Variants in TG observed in about 807,000 individuals in gnomAD.
TG encodes thyroid hormones.
Under a neutral mutation model 324.7 loss-of-function variants are expected in TG, and 270 were observed. The observed-to-expected ratio is 0.83, with a 90% CI of 0.75 to 0.92. TG has a LOEUF of 0.92. TG is among the 40% of genes least tolerant of loss of function. TG has a pLI of 0.00. For synonymous variants in TG, 1,401 were observed against 1,327.0 expected (o/e 1.06, Z -1.21); for missense variants, 3,591 against 3,456.4 (o/e 1.04, Z -0.98).
intron 44 of TG, among the ~76,000 whole-genome samples, 166 bp from the exon 45 acceptor site, chr8:133,116,443 G>A (rs1270423843): frequency 6.6e-6 from 1 of 152,234 alleles, no homozygotes; most frequent in Non-Finnish European, 1.5e-5. Context: ...TGGCAGTGGA[G>A]GCACTTGGAG....
intron 41 of TG, among the ~76,000 whole-genome samples, chr8:133,031,848 T>G (rs1836670122): frequency 6.6e-6 from 1 of 152,152 alleles, no homozygotes; most frequent in Non-Finnish European, 1.5e-5. Context: ...CCCATCCCCC[T>G]CTTTGCCTGC....
chr8:133,062,420 C>G (rs1008992169), intron 41 of TG, among the ~76,000 whole-genome samples: 2 of 152,240 alleles, frequency 1.3e-5, no homozygotes, highest in African/African-American at 4.8e-5. Flanking sequence ...CAGCAGGTGG[C>G]GTGACTCCAA....
rs114356482 is a variant in TG, at chr8:132,893,787, G to C, written c.2859G>C (p.Leu953=). ...VSASNSSRFP[L]GESFLVAKGI... ...CTTCCAACAGTTCTCGGTTCCCTCTGGGGGAGAGTTTCCTGGTGGCCAAGG... is the reference window on the plus strand; with the variant it reads ...CTTCCAACAGTTCTCGGTTCCCTCTCGGGGAGAGTTTCCTGGTGGCCAAGG... The change falls in exon 11 of 48, where the codon CTG becomes CTC. Residue 953 remains leucine, a synonymous_variant. Transcript: ENST00000220616. 1.2e-6 allele frequency: 2 copies of C among 1,613,872 alleles called. No individual in the cohort carries two copies. The highest frequency in any genetic ancestry group is 1.7e-5 in the Admixed American group (1 of 59,992).
intron 32 of TG, among the ~76,000 whole-genome samples, 170 bp downstream of exon 32, chr8:132,969,739 C>T (rs1392592316): frequency 3.3e-5 from 5 of 151,742 alleles, no homozygotes; most frequent in East Asian, 1.9e-4. Context: ...GGTGAAGCCC[C>T]GTCTCTACTA....
At chr8:132,982,466 G>A (rs900577744) in intron 34 of TG, among the ~76,000 whole-genome samples, 4 of 152,176 alleles carry the variant, frequency 2.6e-5, no homozygotes, top group Non-Finnish European at 5.9e-5. Context: ...GGGTATGAAT[G>A]GTTCTTCATT....
intron 26 of TG, among the ~76,000 whole-genome samples, chr8:132,948,406 G>A (rs1825652853): frequency 6.6e-6 from 1 of 152,110 alleles, no homozygotes; most frequent in South Asian, 2.1e-4. Context: ...TGAAGCAGCA[G>A]CAGCTCAGGA....
rs897123131 is a variant in TG, at chr8:133,133,656, T to C, written c.8184T>C (p.Ser2728=). ...WSKYISSLKT[S]ADGAKGGQSA... is the part of the protein sequence containing the mutation. ...AGTACATCTCGTCTCTGAAGACATC[T>C]GCAGGTAGCAAAGCCCTGGGACAAG... The change falls in exon 47 of 48, where the codon TCT becomes TCC. Residue 2728 remains serine, a synonymous_variant. Coordinates refer to ENST00000220616, the MANE Select transcript of TG (RefSeq NM_003235.5). 6.2e-7 allele frequency: 1 copy of C among 1,613,568 alleles called. No individual in the cohort carries two copies. The highest frequency in any genetic ancestry group is 8.5e-7 in the Non-Finnish European group (1 of 1,179,800).
At chr8:133,128,048 A>C (rs897431935) in intron 45 of TG, among the ~76,000 whole-genome samples, 6 of 151,896 alleles carry the variant, frequency 4.0e-5, no homozygotes, top group African/African-American at 1.5e-4. Flanking sequence ...CTCTCTTCTT[A>C]TGGTAGTTGG....
intron 34 of TG, among the ~76,000 whole-genome samples, chr8:132,973,353 A>G (rs932705529): frequency 4.6e-5 from 7 of 152,148 alleles, no homozygotes; most frequent in Non-Finnish European, 8.8e-5. Flanking sequence ...CAATGCATAT[A>G]GAGTTAGGAC....
Position 132,901,413 on chromosome 8 carries a change from A to C in TG, c.3494A>C (p.Tyr1165Ser). 6.2e-7 allele frequency: 1 copy of C among 1,614,220 alleles called. No homozygotes were observed. Among genetic ancestry groups the C allele is most frequent in the Non-Finnish European group, 8.5e-7 (1 of 1,180,042 alleles). The change falls in exon 16 of 48, where the codon TAT (tyrosine) becomes TCT (serine). Residue 1165 changes from tyrosine (Y) to serine (S), a missense_variant. Coordinates refer to ENST00000220616, the MANE Select transcript of TG (RefSeq NM_003235.5). ...CTCTCCAGGAGAGTCAGCCCAGGCT[A>C]TGTCCCAGCCTGCAGGGCAGAGGAT... is the stretch of plus-strand genomic sequence containing the variant. ...GVLSRRVSPGYVPACRAEDGG... is the reference protein window; with the variant it reads ...GVLSRRVSPGSVPACRAEDGG...
At chr8:133,011,336 A>T (rs1159889720) in intron 35 of TG, among the ~76,000 whole-genome samples, 1 of 151,988 alleles carries the variant, frequency 6.6e-6, no homozygotes, top group Non-Finnish European at 1.5e-5. Flanking sequence ...CTAGAGAGAG[A>T]CTCAGTTGGG....
rs565413296 is a variant in TG, at chr8:133,056,648, G to A, written c.7239+26625G>A. Among the ~76,000 whole-genome samples, 8 of 152,328 alleles carry A rather than the reference G, an allele frequency of 5.3e-5. No individual in the cohort carries two copies. In the South Asian group the frequency reaches 6.2e-4, roughly 12 times the overall value. ...ACCTCAGATTCTCCAACTGCAAAAC[G>A]GAGATGATAATAGGCAGAAGCCTCG... On this transcript the variant is annotated intron_variant, in intron 41 of 47. Transcript: ENST00000220616.
At chr8:132,925,813 T>G (rs1821790094) in intron 22 of TG, among the ~76,000 whole-genome samples, 1 of 152,170 alleles carries the variant, frequency 6.6e-6, no homozygotes, top group South Asian at 2.1e-4. Flanking sequence ...CCTTGAGGAT[T>G]GTCTTATGCA....
At chr8:133,105,264 G>T (rs1319760692) in intron 43 of TG, among the ~76,000 whole-genome samples, 1 of 152,130 alleles carries the variant, frequency 6.6e-6, no homozygotes, top group African/African-American at 2.4e-5. Flanking sequence ...CCTCCCCTAA[G>T]CCCCTGCCAA....
chr8:132,935,482 C>G (rs766598983), intron 24 of TG, among the ~76,000 whole-genome samples: 1 of 152,126 alleles, frequency 6.6e-6, no homozygotes, highest in Non-Finnish European at 1.5e-5. Context: ...CACTCAGACT[C>G]ACTTTTTCTG....
intron 22 of TG, among the ~76,000 whole-genome samples, chr8:132,927,111 G>A (rs1188054633): frequency 6.6e-6 from 1 of 152,110 alleles, no homozygotes; most frequent in Non-Finnish European, 1.5e-5. Flanking sequence ...CTGAACAGAG[G>A]TATTTACATA....
chr8:133,074,934 A>G, intron 41 of TG: 1 of 985,536 alleles, frequency 1.0e-6, no homozygotes, highest in Non-Finnish European at 1.2e-6. Context: ...TCCGTCTGTC[A>G]ACTGCTGCTG....
chr8:133,012,904 AGTTGT>A (rs1201114335), intron 36 of TG, among the ~76,000 whole-genome samples: 1 of 152,188 alleles, frequency 6.6e-6, no homozygotes, highest in African/African-American at 2.4e-5. Context: ...ATATAATTTA[AGTTGT>A]CTAGTGCAGA....
chr8:133,023,117 G>A (rs1473241690), intron 40 of TG, among the ~76,000 whole-genome samples: 4 of 152,164 alleles, frequency 2.6e-5, no homozygotes, highest in African/African-American at 9.7e-5. Flanking sequence ...ATAGGTGGTC[G>A]GAATGACCAG....
Sources: gnomAD v4.1 joint callset for allele counts (sites outside exome capture counted in the v4.1 genomes callset) on GRCh38, gnomAD v4.1.1 for gene constraint, MANE v1.5 for transcripts, NCBI Gene and HGNC (gene_info 2026-07-23, HGNC 2026-07-21) for gene names.